The following LDLRAD4 variants were observed in gnomAD, a reference collection of about 807,000 sequenced individuals.
The protein encoded by LDLRAD4 is low-density lipoprotein receptor class A domain-containing protein 4.
Under a neutral mutation model 17.0 loss-of-function variants are expected in LDLRAD4, and 5 were observed. That is an observed-to-expected ratio of 0.29 (90% CI 0.15 to 0.62). The LOEUF (loss-of-function observed/expected upper bound fraction) is 0.62, where lower values mean the gene tolerates loss of function less well. Ranked by LOEUF, LDLRAD4 falls within the 20% of genes least tolerant of loss-of-function variation. The pLI is 0.84. For synonymous variants in LDLRAD4, 168 were observed against 171.8 expected (o/e 0.98, Z 0.17); for missense variants, 340 against 424.7 (o/e 0.80, Z 1.75).
intron 4 of LDLRAD4, among the ~76,000 whole-genome samples, chr18:13,630,906 G>A (rs1029823086): frequency 6.6e-6 from 1 of 152,338 alleles, no homozygotes; most frequent in South Asian, 2.1e-4. Flanking sequence ...AGCTCTCTAA[G>A]AGGCTGCAAA....
chr18:13,442,131 A>G (rs1225733316), intron 3 of LDLRAD4, among the ~76,000 whole-genome samples: 1 of 152,242 alleles, frequency 6.6e-6, no homozygotes, highest in African/African-American at 2.4e-5. Context: ...AAATAATTAT[A>G]CAAATTATTC....
intron 3 of LDLRAD4, among the ~76,000 whole-genome samples, chr18:13,455,989 C>T (rs1054830670): frequency 6.6e-6 from 1 of 152,114 alleles, no homozygotes; most frequent in Non-Finnish European, 1.5e-5. Context: ...GGCAGGAGCG[C>T]CCGCCATGTC....
chr18:13,503,065 G>A (rs548191100), intron 3 of LDLRAD4, among the ~76,000 whole-genome samples: 2 of 152,310 alleles, frequency 1.3e-5, no homozygotes, highest in East Asian at 3.9e-4. Context: ...TCCAAGTTTC[G>A]ACTGCATGAA....
chr18:13,394,412 ATATT>A (rs1475403352), intron 2 of LDLRAD4, among the ~76,000 whole-genome samples: 1 of 152,204 alleles, frequency 6.6e-6, no homozygotes, highest in Non-Finnish European at 1.5e-5. Flanking sequence ...GCCTGAAATT[ATATT>A]TATTTTAAGG....
At chr18:13,332,353 C>A (rs1160491222) in intron 1 of LDLRAD4, among the ~76,000 whole-genome samples, 1 of 152,210 alleles carries the variant, frequency 6.6e-6, no homozygotes, top group East Asian at 1.9e-4. Flanking sequence ...CCTCCGCCAT[C>A]AACATCCCAC....
At position 13,440,810 on chromosome 18, in the gene LDLRAD4, T is replaced by C. The variant is rs1315230770; in HGVS notation, c.181+2426T>C. Among the ~76,000 whole-genome samples the C allele has an allele frequency of 6.6e-6, 1 of 152,186 alleles. No individual in the cohort carries two copies. The highest frequency in any genetic ancestry group is 2.4e-5 in the African/African-American group (1 of 41,442). The stretch of plus-strand genomic sequence containing the variant: ...TGGGGAGTGCACTGCTGTGACTTTG[T>C]ATGGTTTATCTGTAATGTCAGAGCC... On this transcript the variant is annotated intron_variant, in intron 3 of 5. Coordinates refer to ENST00000359446, the Ensembl canonical transcript of LDLRAD4. This position sits in a 1 kb window ranked among gnomAD's most constrained non-coding sequence, Gnocchi z 4.4.
chr18:13,229,330 G>C (rs1161285030), intron 1 of LDLRAD4, among the ~76,000 whole-genome samples: 1 of 152,222 alleles, frequency 6.6e-6, no homozygotes, highest in Non-Finnish European at 1.5e-5. Flanking sequence ...GACTCTCTAG[G>C]TCTCAGTTCA....
intron 1 of LDLRAD4, among the ~76,000 whole-genome samples, chr18:13,298,399 A>C (rs1000110859): frequency 1.3e-5 from 2 of 149,778 alleles, no homozygotes; most frequent in Non-Finnish European, 3.0e-5. Flanking sequence ...TGCTGTGGGC[A>C]TGGTGATGGA....
intron 1 of LDLRAD4, among the ~76,000 whole-genome samples, chr18:13,364,028 C>T (rs1049309333): frequency 3.9e-5 from 6 of 152,248 alleles, no homozygotes; most frequent in Non-Finnish European, 7.4e-5. Flanking sequence ...CTGAAGTATA[C>T]TGAGGCCATA....
At chr18:13,566,528 G>A (rs931747047) in intron 3 of LDLRAD4, among the ~76,000 whole-genome samples, 1 of 151,978 alleles carries the variant, frequency 6.6e-6, no homozygotes, top group African/African-American at 2.4e-5. Flanking sequence ...ACGCCCGGCT[G>A]ATCTTTGTAT....
chr18:13,556,070 G>T (rs1476957109), intron 3 of LDLRAD4, among the ~76,000 whole-genome samples: 2 of 152,098 alleles, frequency 1.3e-5, no homozygotes, highest in Non-Finnish European at 2.9e-5. Context: ...TATGATTTGT[G>T]AACTCATAAA....
At chr18:13,371,767 AAGAGAG>A (rs147105801) in intron 1 of LDLRAD4, among the ~76,000 whole-genome samples, 2 of 151,648 alleles carry the variant, frequency 1.3e-5, no homozygotes, top group East Asian at 1.9e-4. Flanking sequence ...TCTGTCTCAA[AAGAGAG>A]AGAGAGAGAA....
intron 4 of LDLRAD4, among the ~76,000 whole-genome samples, chr18:13,640,803 C>T (rs1785125): frequency 0.84 from 127,985 of 152,154 alleles, 54,331 homozygotes; most frequent in African/African-American, 0.96. Flanking sequence ...GAAGACCTGC[C>T]GACAGGCCGG....
At chr18:13,612,658 G>T (rs1452843529) in intron 3 of LDLRAD4, 3 of 1,612,300 alleles carry the variant, frequency 1.9e-6, no homozygotes, top group East Asian at 2.2e-5. Flanking sequence ...CTTTGAACGT[G>T]GGGGGGCTGC....
At chr18:13,239,056 G>A (rs367813287) in intron 1 of LDLRAD4, among the ~76,000 whole-genome samples, 8 of 151,870 alleles carry the variant, frequency 5.3e-5, no homozygotes, top group East Asian at 1.9e-4. Context: ...GCGTGGTGGC[G>A]CACACCTGTA....
intron 3 of LDLRAD4, among the ~76,000 whole-genome samples, chr18:13,442,535 G>A (rs1165330577): frequency 6.6e-6 from 1 of 152,198 alleles, no homozygotes; most frequent in Non-Finnish European, 1.5e-5. Flanking sequence ...AAAGTGGGTT[G>A]GGCCTAGAGA....
intron 2 of LDLRAD4, among the ~76,000 whole-genome samples, chr18:13,423,288 T>G (rs1445847569): frequency 6.6e-6 from 1 of 151,472 alleles, no homozygotes; most frequent in East Asian, 1.9e-4. Context: ...AGTTTGGGAG[T>G]TTGAGACCAG....
In LDLRAD4 at chr18:13,500,226, C is replaced by T. The variant is rs564556819; in HGVS notation, c.181+61842C>T. 9.9e-5 allele frequency among the ~76,000 whole-genome samples: 15 copies of T among 151,726 alleles called. No homozygotes were observed. In the East Asian group the frequency reaches 2.3e-3, roughly 23 times the overall value. On this transcript the variant is annotated intron_variant, in intron 3 of 5. Coordinates refer to ENST00000359446, the Ensembl canonical transcript of LDLRAD4. ...CCCTCTCAGCAGCTAGCCAGGCTGG[C>T]CTGGCCCTGACGGCCCGGGAATAGC...
At chr18:13,290,647 T>C (rs1299374570) in intron 1 of LDLRAD4, among the ~76,000 whole-genome samples, 2 of 151,998 alleles carry the variant, frequency 1.3e-5, no homozygotes, top group Non-Finnish European at 2.9e-5. Context: ...CTTAAAAGAG[T>C]TTTGTTGTTT....
Sources: gnomAD v4.1 joint callset for allele counts (sites outside exome capture counted in the v4.1 genomes callset) on GRCh38, gnomAD v4.1.1 for gene constraint, Gnocchi (gnomAD v3.1) non-coding constraint, MANE v1.5 for transcripts, NCBI Gene and HGNC (gene_info 2026-07-23, HGNC 2026-07-21) for gene names.